Variants in SUGCT observed in about 807,000 individuals in gnomAD.
The protein encoded by SUGCT is succinyl-CoA:glutarate-CoA transferase, also known as succinyl-CoA:glutarate CoA-transferase.
Under a neutral mutation model 55.0 loss-of-function variants are expected in SUGCT, and 41 were observed. The ratio of observed to expected loss-of-function variants is 0.74; its 90% CI spans 0.58 to 0.97. The LOEUF (loss-of-function observed/expected upper bound fraction) is 0.97, where lower values mean the gene tolerates loss of function less well. SUGCT is among the 50% of genes least tolerant of loss of function. The pLI is 0.00. For synonymous variants in SUGCT, 187 were observed against 200.4 expected, an observed-to-expected ratio of 0.93 and a Z score of 0.56; for missense variants, 568 against 547.8, an observed-to-expected ratio of 1.04 and a Z score of -0.37.
intron 6 of SUGCT, among the ~76,000 whole-genome samples, chr7:40,206,956 T>C (rs1787009899): frequency 6.6e-6 from 1 of 152,074 alleles, no homozygotes; most frequent in Non-Finnish European, 1.5e-5. Context: ...CCCAGCACTT[T>C]TGGAGGCTGA....
chr7:40,543,455 A>G (rs1489298008), intron 12 of SUGCT, among the ~76,000 whole-genome samples: 1 of 152,240 alleles, frequency 6.6e-6, no homozygotes, highest in Non-Finnish European at 1.5e-5. Context: ...CAGGCTCTTC[A>G]TAGTTTAGGA....
intron 12 of SUGCT, among the ~76,000 whole-genome samples, chr7:40,676,721 T>G (rs1354521556): frequency 6.6e-6 from 1 of 152,122 alleles, no homozygotes; most frequent in Non-Finnish European, 1.5e-5. Flanking sequence ...CAGAGTGGTC[T>G]CGAACTCCTG....
intron 9 of SUGCT, among the ~76,000 whole-genome samples, chr7:40,447,190 A>G (rs746489092): frequency 1.8e-4 from 27 of 152,144 alleles, no homozygotes; most frequent in Admixed American, 1.6e-3. Context: ...GACATTTCTT[A>G]TAAATAGAAT....
chr7:40,613,169 T>G (rs1798842199), intron 12 of SUGCT, among the ~76,000 whole-genome samples: 1 of 152,022 alleles, frequency 6.6e-6, no homozygotes, highest in Non-Finnish European at 1.5e-5. Context: ...AACGATACTC[T>G]TATATGCCAG....
At chr7:40,492,722 T>G (rs1222381780) in intron 11 of SUGCT, among the ~76,000 whole-genome samples, 1 of 152,188 alleles carries the variant, frequency 6.6e-6, no homozygotes, top group Non-Finnish European at 1.5e-5. Flanking sequence ...GGCTCAAATA[T>G]CGCGTTGTTT....
chr7:40,546,146 C>T (rs561720324), intron 12 of SUGCT, among the ~76,000 whole-genome samples: 1 of 152,284 alleles, frequency 6.6e-6, no homozygotes, highest in East Asian at 1.9e-4. Flanking sequence ...CACAGGACAT[C>T]ATTACATGTA....
At chr7:40,719,993 C>T (rs1786236463) in intron 12 of SUGCT, among the ~76,000 whole-genome samples, 1 of 152,048 alleles carries the variant, frequency 6.6e-6, no homozygotes, top group Admixed American at 6.6e-5. Context: ...ATCATGTTGG[C>T]CAGGCTGGTC....
chr7:40,426,047 C>T (rs1465179779), intron 9 of SUGCT, among the ~76,000 whole-genome samples: 1 of 152,128 alleles, frequency 6.6e-6, no homozygotes, highest in African/African-American at 2.4e-5. Flanking sequence ...CACTTAATAA[C>T]TTAAAGCTAC....
chr7:40,497,927 T>G (rs1792076475), intron 12 of SUGCT, among the ~76,000 whole-genome samples: 1 of 152,050 alleles, frequency 6.6e-6, no homozygotes, highest in Non-Finnish European at 1.5e-5. Flanking sequence ...AAACAAAGAT[T>G]TATAATCCCA....
rs1052373761 is a variant in SUGCT, at chr7:40,288,657, T to G, written c.720+14001T>G. 2.0e-5 allele frequency among the ~76,000 whole-genome samples: 3 copies of G among 152,062 alleles called. No individual in the cohort carries two copies. In the East Asian group the frequency reaches 5.8e-4, roughly 29 times the overall value. On this transcript the variant is annotated intron_variant, in intron 8 of 13. Transcript: ENST00000335693. ...TATTACCGACACCTATAATTTAAAA[T>G]TCCCTATTAGCCCCATTAAAAAAAT...
At chr7:40,747,030 A>AGCCCCC (rs1489789324) in intron 12 of SUGCT, among the ~76,000 whole-genome samples, 1 of 152,134 alleles carries the variant, frequency 6.6e-6, no homozygotes, top group Admixed American at 6.6e-5. Flanking sequence ...GTTGGCATTT[A>AGCCCCC]GCCCCCACCC....
chr7:40,943,530 G>A, the SUGCT span, among the ~76,000 whole-genome samples: 1 of 147,064 alleles, frequency 6.8e-6, no homozygotes, highest in Non-Finnish European at 1.5e-5. Flanking sequence ...AACATGCGGT[G>A]TTTGGTTTTT....
chr7:40,888,760 G>A, the SUGCT span, among the ~76,000 whole-genome samples: 1 of 152,132 alleles, frequency 6.6e-6, no homozygotes, highest in Non-Finnish European at 1.5e-5. Flanking sequence ...CATCAGTCAG[G>A]GCCAAAGGAT....
chr7:40,498,344 G>A (rs1010877496), intron 12 of SUGCT, among the ~76,000 whole-genome samples: 2 of 152,180 alleles, frequency 1.3e-5, no homozygotes, highest in Non-Finnish European at 2.9e-5. Context: ...AGTACACAAT[G>A]TGTACCTGCT....
At chr7:40,568,832 C>T (rs186771585) in intron 12 of SUGCT, among the ~76,000 whole-genome samples, 103 of 152,290 alleles carry the variant, frequency 6.8e-4, no homozygotes, top group African/African-American at 2.3e-3. Flanking sequence ...TAAGTTCCTT[C>T]GTGAGAATTA....
chr7:40,858,817 G>A (rs1318084330), intron 13 of SUGCT, among the ~76,000 whole-genome samples: 1 of 152,218 alleles, frequency 6.6e-6, no homozygotes, highest in East Asian at 1.9e-4. Context: ...CTAAGCTTCA[G>A]AGAAGGAAAA....
intron 13 of SUGCT, among the ~76,000 whole-genome samples, chr7:40,800,580 C>T (rs1790767826): frequency 6.6e-6 from 1 of 152,124 alleles, no homozygotes; most frequent in Admixed American, 6.6e-5. Context: ...GCGTGAGCCA[C>T]CGCGCCTGGC....
intron 3 of SUGCT, among the ~76,000 whole-genome samples, chr7:40,183,475 G>A (rs1002362703): frequency 1.8e-4 from 28 of 152,070 alleles, no homozygotes; most frequent in Admixed American, 1.0e-3. Context: ...GAATAGCTGG[G>A]ACTACAGGCA....
At chr7:40,246,984 A>G (rs1335671566) in intron 7 of SUGCT, among the ~76,000 whole-genome samples, 4 of 152,196 alleles carry the variant, frequency 2.6e-5, no homozygotes, top group Non-Finnish European at 5.9e-5. Flanking sequence ...TTTTATGAAT[A>G]TACCACAAAG....
Sources: allele counts gnomAD v4.1 joint callset (sites outside exome capture counted in the v4.1 genomes callset), GRCh38; gene constraint gnomAD v4.1.1; transcripts MANE v1.5; gene names NCBI Gene and HGNC (gene_info 2026-07-23, HGNC 2026-07-21).